Variants in TAFA5 observed in about 807,000 individuals in gnomAD.
TAFA5 encodes TAFA chemokine like family member 5.
Under a neutral mutation model 15.3 loss-of-function variants are expected in TAFA5, and 6 were observed. The ratio of observed to expected loss-of-function variants is 0.39; its 90% CI spans 0.21 to 0.77. The LOEUF is 0.77. Ranked by LOEUF, TAFA5 falls within the 30% of genes least tolerant of loss-of-function variation. The probability of loss-of-function intolerance (pLI) is 0.41; values close to 1 mark genes in which losing one functional copy is unlikely to be tolerated. For missense variants in TAFA5, 161 were observed against 193.1 expected (o/e 0.83, Z 0.98); for synonymous variants, 103 against 80.7 (o/e 1.28, Z -1.48).
At chr22:48,666,484 T>C (rs1338662747) in intron 2 of TAFA5, among the ~76,000 whole-genome samples, 1 of 49,874 alleles carries the variant, frequency 2.0e-5, no homozygotes, top group Non-Finnish European at 4.1e-5. Flanking sequence ...TTACAATTGA[T>C]GAGCCAATAC....
intron 1 of TAFA5, among the ~76,000 whole-genome samples, chr22:48,616,071 G>A (rs1276294664): frequency 6.6e-6 from 1 of 152,026 alleles, no homozygotes; most frequent in Non-Finnish European, 1.5e-5. Context: ...GAGAAACACC[G>A]GCCTGGTGTG....
Position 48,532,810 on chromosome 22 carries a change from A to G in TAFA5, c.112+43106A>G, listed in dbSNP as rs377343467. Among the ~76,000 whole-genome samples the G allele has an allele frequency of 4.6e-5, 7 of 152,350 alleles. 1 individual carries two copies. Among genetic ancestry groups the G allele is most frequent in the Admixed American group, 6.5e-5 (1 of 15,310 alleles). ...GAATGGTGCCCCTGCCCCGGCTCCC[A>G]TCGGGAAGACGGGCTGGGAGCATCT... On this transcript the variant is annotated intron_variant, in intron 1 of 3. Coordinates refer to ENST00000402357, the MANE Select transcript of TAFA5 (RefSeq NM_001082967.3).
At chr22:48,652,311 C>A (rs563600770) in intron 2 of TAFA5, among the ~76,000 whole-genome samples, 126 of 152,230 alleles carry the variant, frequency 8.3e-4, no homozygotes, top group Non-Finnish European at 1.6e-3. Flanking sequence ...TGGTGCTCAG[C>A]CTGGCCAGGG....
At chr22:48,512,084 C>T (rs1336689728) in intron 1 of TAFA5, among the ~76,000 whole-genome samples, 1 of 152,174 alleles carries the variant, frequency 6.6e-6, no homozygotes, top group East Asian at 1.9e-4. Flanking sequence ...CCCTCGCCAC[C>T]CGATTCCGTG....
intron 1 of TAFA5, among the ~76,000 whole-genome samples, chr22:48,581,450 T>C (rs953940207): frequency 3.9e-5 from 6 of 152,160 alleles, no homozygotes; most frequent in Non-Finnish European, 5.9e-5. Flanking sequence ...CTGAGCACAG[T>C]GCGAGAAAGC....
chr22:48,729,351 A>AT (rs1555903037), intron 3 of TAFA5, among the ~76,000 whole-genome samples: 4 of 141,678 alleles, frequency 2.8e-5, no homozygotes, highest in East Asian at 2.0e-4. Flanking sequence ...ATATATTTTT[A>AT]TATTAGTATA....
chr22:48,603,876 G>A (rs917018878), intron 1 of TAFA5, among the ~76,000 whole-genome samples: 4 of 152,178 alleles, frequency 2.6e-5, no homozygotes, highest in South Asian at 2.1e-4. Flanking sequence ...CAACTCGTGC[G>A]TCTCAGGGAG....
chr22:48,745,035 C>T (rs1341179458), intron 3 of TAFA5, among the ~76,000 whole-genome samples: 1 of 152,178 alleles, frequency 6.6e-6, no homozygotes, highest in African/African-American at 2.4e-5. Context: ...GGATTACGGG[C>T]GTGAGCCACT....
chr22:48,720,978 A>G (rs1929551555), intron 3 of TAFA5, among the ~76,000 whole-genome samples: 1 of 152,130 alleles, frequency 6.6e-6, no homozygotes, highest in South Asian at 2.1e-4. Flanking sequence ...CACCCACGTG[A>G]AGACCCCGGA....
In TAFA5 at chr22:48,610,427, G is replaced by A. The variant is rs371419051; in HGVS notation, c.113-36170G>A. On this transcript the variant is annotated intron_variant, in intron 1 of 3. Coordinates refer to ENST00000402357, the MANE Select transcript of TAFA5 (RefSeq NM_001082967.3). ...GGCCGGCGTATAAATAAATCACGAC[G>A]AAAGGTACACTGAGGAAGCGCCCTC... Among the ~76,000 whole-genome samples, 28 of 152,374 alleles carry A rather than the reference G, an allele frequency of 1.8e-4. 1 individual carries two copies. The East Asian group carries it at 4.1e-3, about 22-fold the overall frequency.
rs993671371 is a variant in TAFA5, at chr22:48,530,260, G to A, written c.112+40556G>A. Among the ~76,000 whole-genome samples the A allele has an allele frequency of 6.6e-6, 1 of 152,140 alleles. No individual in the cohort carries two copies. Among genetic ancestry groups the A allele is most frequent in the African/African-American group, 2.4e-5 (1 of 41,420 alleles). ...TCCCCTCCTGTGACATCCGAGCATG[G>A]TCGTCTGACAAATGGGGCATCAGGA... On this transcript the variant is annotated intron_variant, in intron 1 of 3. Coordinates refer to ENST00000402357, the MANE Select transcript of TAFA5 (RefSeq NM_001082967.3). The surrounding 1 kb of genome is among the most constrained non-coding windows in gnomAD (Gnocchi z 6.0).
At chr22:48,623,473 A>ATGTGCTGCGTGGACCTG (rs1925924696) in intron 1 of TAFA5, among the ~76,000 whole-genome samples, 2 of 151,956 alleles carry the variant, frequency 1.3e-5, no homozygotes, top group African/African-American at 2.4e-5. Context: ...GTGGGACGGG[A>ATGTGCTGCGTGGACCTG]CGCAGCCCGT....
intron 3 of TAFA5, among the ~76,000 whole-genome samples, chr22:48,734,922 A>G (rs1010089189): frequency 3.3e-5 from 5 of 152,284 alleles, no homozygotes; most frequent in African/African-American, 1.2e-4. Flanking sequence ...AGAGTAAAGG[A>G]TAAAGGAAAC....
intron 1 of TAFA5, among the ~76,000 whole-genome samples, chr22:48,627,546 G>A (rs1337954766): frequency 6.6e-6 from 1 of 152,288 alleles, no homozygotes; most frequent in Non-Finnish European, 1.5e-5. Flanking sequence ...CCATCCCGCT[G>A]TGCTTGGAGA....
intron 1 of TAFA5, among the ~76,000 whole-genome samples, chr22:48,611,411 G>A (rs943963923): frequency 2.0e-5 from 3 of 152,146 alleles, no homozygotes; most frequent in East Asian, 1.9e-4. Flanking sequence ...CGTTACCTGC[G>A]GCATGTCAGC....
chr22:48,537,050 A>G (rs1315188074), intron 1 of TAFA5, among the ~76,000 whole-genome samples: 1 of 152,124 alleles, frequency 6.6e-6, no homozygotes, highest in Non-Finnish European at 1.5e-5. Context: ...TGTGGTCAGG[A>G]GGAATGCCAC....
chr22:48,522,399 C>T (rs990033454), intron 1 of TAFA5, among the ~76,000 whole-genome samples: 1 of 152,042 alleles, frequency 6.6e-6, no homozygotes. Context: ...CGGCCACCTC[C>T]CATCCACTGG....
rs139741816 is a variant in TAFA5, at chr22:48,616,732, C to T, written c.113-29865C>T. 9.0e-3 allele frequency among the ~76,000 whole-genome samples: 1,378 copies of T among 152,326 alleles called. 24 individuals carry two copies. The highest frequency in any genetic ancestry group is 0.031 in the African/African-American group (1,307 of 41,572). Reference sequence around the variant, plus strand: ...CTGTCTAGGGCTGCAGAAAGCCCAGCGAGGTGGGTCAGCAGCGAGATGGTG... The same window carrying T: ...CTGTCTAGGGCTGCAGAAAGCCCAGTGAGGTGGGTCAGCAGCGAGATGGTG... On this transcript the variant is annotated intron_variant, in intron 1 of 3. Coordinates refer to ENST00000402357, the MANE Select transcript of TAFA5 (RefSeq NM_001082967.3).
At chr22:48,626,506 T>C (rs1346576402) in intron 1 of TAFA5, among the ~76,000 whole-genome samples, 3 of 152,228 alleles carry the variant, frequency 2.0e-5, no homozygotes, top group Admixed American at 6.5e-5. Context: ...TTCATTCAGA[T>C]CCTTTGCCCA....
Sources: gnomAD v4.1 joint callset for allele counts (sites outside exome capture counted in the v4.1 genomes callset) on GRCh38, gnomAD v4.1.1 for gene constraint, Gnocchi (gnomAD v3.1) non-coding constraint, MANE v1.5 for transcripts, NCBI Gene and HGNC (gene_info 2026-07-23, HGNC 2026-07-21) for gene names.